APLF: variants seen among roughly 807,000 people sequenced by gnomAD.
APLF encodes aprataxin and PNKP like factor.
In APLF, 61 loss-of-function variants were observed where a neutral mutation model predicts 55.6. The ratio of observed to expected loss-of-function variants is 1.10; its 90% CI spans 0.89 to 1.36. The LOEUF is 1.36. APLF is among the 40% of genes most tolerant of loss of function. The pLI is 0.00. For missense variants in APLF, 611 were observed against 602.5 expected (o/e 1.01, Z -0.15); for synonymous variants, 207 against 214.8 (o/e 0.96, Z 0.32).
At position 68,579,541 on chromosome 2, in the gene APLF, G is replaced by A. The variant is rs935776456; in HGVS notation, c.*1519G>A. On this transcript the variant is annotated 3_prime_UTR_variant, in exon 10 of 10. Coordinates refer to ENST00000303795, the MANE Select transcript of APLF (RefSeq NM_173545.3). Reference sequence around the variant, plus strand: ...CAGCCAAAAAGTATAAACACCCAAAGTCTATCAACTATCAACTGGGTGAAT... The same window carrying A: ...CAGCCAAAAAGTATAAACACCCAAAATCTATCAACTATCAACTGGGTGAAT... 1.9e-5 allele frequency: 5 copies of A among 258,630 alleles called. No homozygotes were observed. In the East Asian group the frequency reaches 5.5e-4, roughly 28 times the overall value. 16.0% of individuals were successfully genotyped at this position (258,630 alleles called of 1,614,324 possible). A position where few individuals can be genotyped will look rare whatever the true frequency, so the allele number is the denominator to read the frequency against.
At position 68,505,775 on chromosome 2, in the gene APLF, A is replaced by T. The variant is rs925983823; in HGVS notation, c.341+2872A>T. Among the ~76,000 whole-genome samples the T allele has an allele frequency of 3.9e-5, 6 of 152,026 alleles. No individual in the cohort carries two copies. In the East Asian group the frequency reaches 1.2e-3, roughly 29 times the overall value. On this transcript the variant is annotated intron_variant, in intron 3 of 9. Transcript: ENST00000303795. Reference sequence around the variant, plus strand: ...CCAGCACATGGACATGTTCTTGTTCACCAACCTGGAAGTCCTCTGAACTTT... The same window carrying T: ...CCAGCACATGGACATGTTCTTGTTCTCCAACCTGGAAGTCCTCTGAACTTT...
At chr2:68,502,955 C>T in intron 3 of APLF, 52 bp downstream of exon 3, 3 of 1,546,742 alleles carry the variant, frequency 1.9e-6, no homozygotes, top group Non-Finnish European at 2.6e-6. Flanking sequence ...TCTAATTCCT[C>T]AGCCATCACA....
At chr2:68,469,285 T>C (rs1224676878) in intron 1 of APLF, among the ~76,000 whole-genome samples, 1 of 152,176 alleles carries the variant, frequency 6.6e-6, no homozygotes, top group African/African-American at 2.4e-5. Context: ...TAACGAGTTT[T>C]GACTTGCTTA....
intron 3 of APLF, among the ~76,000 whole-genome samples, chr2:68,503,522 A>G (rs1469061381): frequency 1.3e-5 from 2 of 152,146 alleles, no homozygotes; most frequent in African/African-American, 2.4e-5. Context: ...GTTCTCTGAT[A>G]GCAATAGTAT....
chr2:68,492,282 T>C lies in APLF; in HGVS notation c.168+2021T>C, dbSNP rs373890572. On this transcript the variant is annotated intron_variant, in intron 2 of 9. Coordinates refer to ENST00000303795, the MANE Select transcript of APLF (RefSeq NM_173545.3). ...TCACGAGGTCAGGAGATCGAGACCATCCTGGCTAACACGGTGAAACGCCGT... is the reference window on the plus strand; with the variant it reads ...TCACGAGGTCAGGAGATCGAGACCACCCTGGCTAACACGGTGAAACGCCGT... 2.2e-3 allele frequency among the ~76,000 whole-genome samples: 341 copies of C among 152,122 alleles called. 2 individuals are homozygous for C. Among genetic ancestry groups the C allele is most frequent in the African/African-American group, 7.8e-3 (324 of 41,488 alleles).
chr2:68,477,329 A>G (rs1675811567), intron 1 of APLF, among the ~76,000 whole-genome samples: 3 of 152,282 alleles, frequency 2.0e-5, no homozygotes, highest in Admixed American at 2.0e-4. Flanking sequence ...AGTAAATTGT[A>G]TATCATAATA....
At chr2:68,518,445 A>T (rs1310754775) in intron 5 of APLF, among the ~76,000 whole-genome samples, 1 of 113,766 alleles carries the variant, frequency 8.8e-6, no homozygotes, top group Non-Finnish European at 1.6e-5. Flanking sequence ...AATATATAAT[A>T]ATATATTATA....
intron 5 of APLF, among the ~76,000 whole-genome samples, chr2:68,514,473 A>ACCCTGTTTC (rs1396235242): frequency 6.6e-6 from 1 of 151,754 alleles, no homozygotes; most frequent in Non-Finnish European, 1.5e-5. Flanking sequence ...TTCAGAGCCT[A>ACCCTGTTTC]CCCTGTTTCC....
At chr2:68,540,751 C>T (rs1455023941) in intron 7 of APLF, among the ~76,000 whole-genome samples, 1 of 151,434 alleles carries the variant, frequency 6.6e-6, no homozygotes, top group Non-Finnish European at 1.5e-5. Context: ...ATCAGAATCC[C>T]AATAGGGTGT....
intron 3 of APLF, among the ~76,000 whole-genome samples, chr2:68,512,741 A>G (rs989479651): frequency 3.3e-5 from 5 of 151,914 alleles, no homozygotes; most frequent in African/African-American, 1.2e-4. Context: ...TGCAGTTTAC[A>G]TTATCTCTCT....
At chr2:68,563,756 A>G (rs1335502777) in intron 8 of APLF, among the ~76,000 whole-genome samples, 1 of 152,090 alleles carries the variant, frequency 6.6e-6, no homozygotes, top group Non-Finnish European at 1.5e-5. Context: ...ACCATATTCA[A>G]CTTTTCAATG....
At chr2:68,528,402 G>A (rs372810863) in intron 6 of APLF, 8 of 1,534,440 alleles carry the variant, frequency 5.2e-6, no homozygotes, top group Non-Finnish European at 6.1e-6. Context: ...AGACATGGAA[G>A]CTTAGCCGGT....
At chr2:68,477,681 A>G (rs936302659) in intron 1 of APLF, among the ~76,000 whole-genome samples, 3 of 152,008 alleles carry the variant, frequency 2.0e-5, no homozygotes, top group Non-Finnish European at 4.4e-5. Flanking sequence ...CATAACCAAA[A>G]CTGGATAATT....
intron 8 of APLF, among the ~76,000 whole-genome samples, chr2:68,548,320 G>C (rs1255770548): frequency 6.6e-6 from 1 of 151,850 alleles, no homozygotes; most frequent in East Asian, 1.9e-4. Flanking sequence ...AAAGCACACA[G>C]TAAGAAAAAA....
At chr2:68,526,311 C>T (rs1670044773) in intron 6 of APLF, 69 bp downstream of exon 6, 1 of 1,512,700 alleles carries the variant, frequency 6.6e-7, no homozygotes, top group Admixed American at 1.9e-5. Flanking sequence ...TAATCATATG[C>T]TATATAAAGA....
intron 1 of APLF, among the ~76,000 whole-genome samples, chr2:68,483,596 A>G (rs1676033554): frequency 6.6e-6 from 1 of 152,172 alleles, no homozygotes; most frequent in South Asian, 2.1e-4. Context: ...TTTTATTCAT[A>G]CAAGATAATT....
chr2:68,467,634 T>C lies in APLF; in HGVS notation c.-98T>C, dbSNP rs1350997313. The C allele has an allele frequency of 1.4e-5, 15 of 1,066,962 alleles. No individual in the cohort carries two copies. Among genetic ancestry groups the C allele is most frequent in the African/African-American group, 1.6e-5 (1 of 61,110 alleles). 66.1% of individuals were successfully genotyped at this position (1,066,962 alleles called of 1,614,324 possible). On this transcript the variant is annotated 5_prime_UTR_variant, in exon 1 of 10. Transcript: ENST00000303795. ...AGCCTTTGAGGCCCTCCCTCGGTGTTTTTTCCCAGGGCGTGGGCTTGCCCC... is the reference window on the plus strand; with the variant it reads ...AGCCTTTGAGGCCCTCCCTCGGTGTCTTTTCCCAGGGCGTGGGCTTGCCCC...
chr2:68,531,664 C>T (rs1670260543), intron 6 of APLF, among the ~76,000 whole-genome samples: 1 of 152,060 alleles, frequency 6.6e-6, no homozygotes, highest in Non-Finnish European at 1.5e-5. Context: ...AACTTTGAGC[C>T]CTTATGTACT....
chr2:68,471,241 A>G (rs1675608030), intron 1 of APLF, among the ~76,000 whole-genome samples: 1 of 151,894 alleles, frequency 6.6e-6, no homozygotes, highest in Admixed American at 6.6e-5. Context: ...GTGAATTTAA[A>G]TATAGTAAAG....
Sources: gnomAD v4.1 joint callset for allele counts (sites outside exome capture counted in the v4.1 genomes callset) on GRCh38, gnomAD v4.1.1 for gene constraint, MANE v1.5 for transcripts, NCBI Gene and HGNC (gene_info 2026-07-23, HGNC 2026-07-21) for gene names.